The following PRKDC variants were observed in gnomAD, a reference collection of about 807,000 sequenced individuals.
PRKDC encodes DNA-dependent protein kinase catalytic subunit.
In PRKDC, 82 loss-of-function variants were observed where a neutral mutation model predicts 486.9. That is an observed-to-expected ratio of 0.17 (90% confidence interval 0.14 to 0.20). The LOEUF is 0.20. Ranked by LOEUF, PRKDC falls within the 10% of genes least tolerant of loss-of-function variation. PRKDC has a pLI of 1.00. For synonymous variants in PRKDC, 1,895 were observed against 1,837.0 expected (o/e 1.03, Z -0.81); for missense variants, 4,504 against 5,038.2 (o/e 0.89, Z 3.21).
Position 47,788,636 on chromosome 8 carries a change from T to C in PRKDC, c.10902+270A>G, listed in dbSNP as rs576625593. Among the ~76,000 whole-genome samples, 6 of 152,328 alleles carry C rather than the reference T, an allele frequency of 3.9e-5. No homozygotes were observed. In the South Asian group the frequency reaches 1.2e-3, roughly 32 times the overall value. ...GAAGAATTGGAAATCCCAATCTATA[T>C]GTAACTTTCAGATCTAAAAATCTGA... On this transcript the variant is annotated intron_variant, in intron 76 of 85. Transcript: ENST00000314191.
At chr8:47,936,015 T>A (rs1004355300) in intron 12 of PRKDC, 115 bp from the exon 13 acceptor site, 2 of 1,054,432 alleles carry the variant, frequency 1.9e-6, no homozygotes, top group African/African-American at 3.2e-5. Flanking sequence ...AAGAAAAACA[T>A]GGTTTGTCAT....
intron 35 of PRKDC, among the ~76,000 whole-genome samples, chr8:47,886,563 T>C (rs911142114): frequency 6.6e-6 from 1 of 152,198 alleles, no homozygotes. Flanking sequence ...GGCTAATTTT[T>C]GTATTTTTAG....
At chr8:47,824,633 G>A (rs964532559) in intron 63 of PRKDC, among the ~76,000 whole-genome samples, 1 of 152,062 alleles carries the variant, frequency 6.6e-6, no homozygotes, top group Non-Finnish European at 1.5e-5. Flanking sequence ...AGAAGCAAAA[G>A]AAAAAATAAT....
intron 59 of PRKDC, among the ~76,000 whole-genome samples, chr8:47,833,275 C>A (rs1268366648): frequency 1.3e-5 from 2 of 152,150 alleles, no homozygotes; most frequent in African/African-American, 4.8e-5. Flanking sequence ...TCAGTTCCTA[C>A]GATTAGATAA....
At position 47,887,599 on chromosome 8, in the gene PRKDC, C is replaced by G; in HGVS notation, c.4520G>C (p.Cys1507Ser). The G allele has an allele frequency of 6.3e-7, 1 of 1,599,754 alleles. No individual in the cohort carries two copies. Among genetic ancestry groups the G allele is most frequent in the Non-Finnish European group, 8.5e-7 (1 of 1,173,116 alleles). The change falls in exon 35 of 86, where the codon TGT (cysteine) becomes TCT (serine). Residue 1507 changes from cysteine to serine, a missense_variant. Coordinates refer to ENST00000314191, the MANE Select transcript of PRKDC (RefSeq NM_006904.7). ...RQCLPSLDLS[C>S]KQLASGLLEL... ...CAGAAGTCCGCTGGCCAGCTGCTTA[C>G]AACTGAGGTCTAGAGAAGGCAGACA...
chr8:47,825,504 CAAAAAAAAAAAA>C (rs397891351), intron 63 of PRKDC, among the ~76,000 whole-genome samples: 15 of 10,250 alleles, frequency 1.5e-3, no homozygotes, highest in South Asian at 4.5e-3. Flanking sequence ...AAGACTGTCT[CAAAAAAAAAAAA>C]AAAAAAAAAA....
rs936642664 is a variant in PRKDC, at chr8:47,935,599, C to T, written c.1447+133G>A. 5 of 926,150 alleles carry T rather than the reference C, an allele frequency of 5.4e-6. No individual in the cohort carries two copies. The African/African-American group carries it at 6.7e-5, about 12-fold the overall frequency. 57.4% of individuals were successfully genotyped at this position (926,150 alleles called of 1,614,324 possible). A position where few individuals can be genotyped will look rare whatever the true frequency, so the allele number is the denominator to read the frequency against. ...ATGAAAAAAAGGAAAAGATTTTGGTCTACCAAAATTTAGGAGTTCAAAAGT... is the reference window on the plus strand; with the variant it reads ...ATGAAAAAAAGGAAAAGATTTTGGTTTACCAAAATTTAGGAGTTCAAAAGT... On this transcript the variant is annotated intron_variant, in intron 13 of 85. Coordinates refer to ENST00000314191, the MANE Select transcript of PRKDC (RefSeq NM_006904.7).
chr8:47,870,118 G>A (rs1297819032), intron 40 of PRKDC, among the ~76,000 whole-genome samples: 1 of 152,234 alleles, frequency 6.6e-6, no homozygotes, highest in Non-Finnish European at 1.5e-5. Context: ...TCACTGTCTT[G>A]AAGGAAAGAA....
intron 27 of PRKDC, among the ~76,000 whole-genome samples, chr8:47,900,923 A>C (rs2089669290): frequency 6.6e-6 from 1 of 151,874 alleles, no homozygotes; most frequent in South Asian, 2.1e-4. Context: ...ATGCCTATAA[A>C]GATCACTTGA....
At chr8:47,955,461 CAAAAAAAAAAAAAAAA>C (rs746883720) in intron 4 of PRKDC, among the ~76,000 whole-genome samples, 1 of 18,536 alleles carries the variant, frequency 5.4e-5, no homozygotes, top group Non-Finnish European at 1.3e-4. Flanking sequence ...GACTCCGTCT[CAAAAAAAAAAAAAAAA>C]AAAAAAAAAA....
intron 1 of PRKDC, among the ~76,000 whole-genome samples, chr8:47,958,438 G>C (rs558410515): frequency 3.3e-5 from 5 of 152,310 alleles, no homozygotes; most frequent in Admixed American, 3.3e-4. Context: ...GGAACTGTAA[G>C]AGTAACAGAC....
At chr8:47,784,005 T>C in intron 77 of PRKDC, 196 bp from the exon 78 acceptor site, 1 of 561,912 alleles carries the variant, frequency 1.8e-6, no homozygotes, top group Non-Finnish European at 3.2e-6. Flanking sequence ...ACGCCTGTAA[T>C]CCCAGCACTT....
At chr8:47,909,167 G>C (rs1179908177) in intron 25 of PRKDC, among the ~76,000 whole-genome samples, 1 of 152,212 alleles carries the variant, frequency 6.6e-6, no homozygotes, top group Non-Finnish European at 1.5e-5. Context: ...CTTTATGCCT[G>C]ATGTTTCTTC....
chr8:47,958,217 A>C (rs1214049439), intron 1 of PRKDC, among the ~76,000 whole-genome samples: 2 of 152,192 alleles, frequency 1.3e-5, no homozygotes, highest in Non-Finnish European at 2.9e-5. Context: ...GCTGGCCTTG[A>C]AGACCAAGGG....
At chr8:47,786,969 C>T (rs554011240) in intron 76 of PRKDC, among the ~76,000 whole-genome samples, 10 of 151,862 alleles carry the variant, frequency 6.6e-5, no homozygotes, top group Non-Finnish European at 8.8e-5. Context: ...CCCAGTGATC[C>T]GCCCGCCTCG....
In PRKDC at chr8:47,849,249, T is replaced by C; in HGVS notation, c.7185A>G (p.Thr2395=). The change falls in exon 54 of 86, where the codon ACA becomes ACG. Residue 2395 remains threonine (T), a synonymous_variant. Coordinates refer to ENST00000314191, the MANE Select transcript of PRKDC (RefSeq NM_006904.7). ...LLPKFHGVLK[T]LCLEVVLCRV... The stretch of plus-strand genomic sequence containing the variant: ...GACAAAGTACCACCTCCAGACAGAG[T>C]GTTTTCAACACTCCATGAAATTTTG... 6.2e-7 allele frequency: 1 copy of C among 1,613,672 alleles called. No individual in the cohort carries two copies. The highest frequency in any genetic ancestry group is 1.1e-5 in the South Asian group (1 of 91,070).
intron 63 of PRKDC, among the ~76,000 whole-genome samples, chr8:47,824,468 CAAAAAAAAAAA>C (rs11369602): frequency 4.8e-4 from 18 of 37,692 alleles, no homozygotes; most frequent in East Asian, 1.0e-3. Context: ...GACTCCGCCT[CAAAAAAAAAAA>C]AAAAAAAAAA....
rs1344553655 is a variant in PRKDC at position 47,773,968 on chromosome 8, TG to T, written c.*204del. On this transcript the variant is annotated 3_prime_UTR_variant, in exon 86 of 86. Coordinates refer to ENST00000314191, the MANE Select transcript of PRKDC (RefSeq NM_006904.7). The stretch of plus-strand genomic sequence containing the variant: ...CTTTCTATAAACCTCACCTAATCTT[TG>T]ATGTTACTATAACCTTATCTTTGAT... 3 of 514,150 alleles carry T rather than the reference TG, an allele frequency of 5.8e-6. No individual in the cohort carries two copies. The highest frequency in any genetic ancestry group is 1.0e-5 in the Non-Finnish European group (3 of 296,632). 31.8% of individuals were successfully genotyped at this position (514,150 alleles called of 1,614,324 possible). A position where few individuals can be genotyped will look rare whatever the true frequency, so the allele number is the denominator to read the frequency against.
At chr8:47,827,008 A>G in intron 62 of PRKDC, 147 bp from the exon 63 acceptor site, 1 of 727,154 alleles carries the variant, frequency 1.4e-6, no homozygotes, top group Non-Finnish European at 2.1e-6. Context: ...CTATTAACAC[A>G]TTTTCCAACA....
Sources: gnomAD v4.1 joint callset for allele counts (sites outside exome capture counted in the v4.1 genomes callset) on GRCh38, gnomAD v4.1.1 for gene constraint, MANE v1.5 for transcripts, NCBI Gene and HGNC (gene_info 2026-07-23, HGNC 2026-07-21) for gene names.